PCDHGB4: variants seen among roughly 807,000 people sequenced by gnomAD.
PCDHGB4 encodes the protein protocadherin gamma-B4.
Under a neutral mutation model 60.5 loss-of-function variants are expected in PCDHGB4, and 38 were observed. The observed-to-expected ratio is 0.63, with a 90% CI of 0.48 to 0.82. The LOEUF (loss-of-function observed/expected upper bound fraction) is 0.82. PCDHGB4 is among the 40% of genes least tolerant of loss of function. The pLI is 0.00. For synonymous variants in PCDHGB4, 456 were observed against 509.7 expected (o/e 0.89, Z 1.42); for missense variants, 1,109 against 1,209.6 (o/e 0.92, Z 1.23).
chr5:141,405,540 C>A (rs2094682922), intron 1 of PCDHGB4: 1 of 641,202 alleles, frequency 1.6e-6, no homozygotes, highest in African/African-American at 1.8e-5. Context: ...CTGCCTCAGC[C>A]TCCCAAGTAG....
intron 1 of PCDHGB4, chr5:141,484,855 G>T (rs1178318896): frequency 3.9e-6 from 1 of 257,336 alleles, no homozygotes; most frequent in East Asian, 8.3e-5. Context: ...GTTTTTTGGG[G>T]GGTGGGGGAG....
chr5:141,492,492 G>A (rs896538392), intron 1 of PCDHGB4, among the ~76,000 whole-genome samples: 2 of 152,206 alleles, frequency 1.3e-5, no homozygotes, highest in African/African-American at 2.4e-5. Context: ...AGGACCAGGC[G>A]AGGACTCCGG....
chr5:141,475,935 C>CCCGT, intron 1 of PCDHGB4: 1 of 669,050 alleles, frequency 1.5e-6, no homozygotes, highest in Middle Eastern at 4.2e-4. Flanking sequence ...CGGGCCCCTG[C>CCCGT]CCGTCCCCTT....
intron 1 of PCDHGB4, chr5:141,393,203 C>T (rs988866288): frequency 6.2e-7 from 1 of 1,613,514 alleles, no homozygotes; most frequent in Admixed American, 1.7e-5. Context: ...ACGATAATAA[C>T]CCAAAATTCC....
At chr5:141,399,662 C>G (rs759226157) in intron 1 of PCDHGB4, 1 of 1,613,666 alleles carries the variant, frequency 6.2e-7, no homozygotes, top group South Asian at 1.1e-5. Context: ...GTGGTGTTCG[C>G]GCAGCGCGCC....
intron 1 of PCDHGB4, chr5:141,415,755 T>TTTG: frequency 1.4e-6 from 2 of 1,387,632 alleles, no homozygotes; most frequent in Middle Eastern, 2.6e-4. Context: ...TTTTTTTTTT[T>TTTG]TTTTTTTTTT....
At chr5:141,443,728 C>T (rs1434984241) in intron 1 of PCDHGB4, among the ~76,000 whole-genome samples, 1 of 152,060 alleles carries the variant, frequency 6.6e-6, no homozygotes, top group Admixed American at 6.5e-5. Flanking sequence ...ATTCCTCATA[C>T]ATTTCCCTAT....
At chr5:141,509,106 A>T (rs1159119530) in intron 3 of PCDHGB4, among the ~76,000 whole-genome samples, 1 of 152,102 alleles carries the variant, frequency 6.6e-6, no homozygotes, top group Non-Finnish European at 1.5e-5. Flanking sequence ...TAGAAACCTG[A>T]GCGCTGGTGC....
chr5:141,441,364 CGT>C (rs1283671958), intron 1 of PCDHGB4: 1 of 152,528 alleles, frequency 6.6e-6, no homozygotes, highest in African/African-American at 2.4e-5. Context: ...CAAATGGGGC[CGT>C]GGACCAGGAA....
At position 141,432,782 on chromosome 5, in the gene PCDHGB4, C is replaced by G. The variant is rs547164205; in HGVS notation, c.2397+42501C>G. On this transcript the variant is annotated intron_variant, in intron 1 of 3. Transcript: ENST00000519479. The surrounding 1 kb of genome is among the most constrained non-coding windows in gnomAD (Gnocchi z 6.0). ...CAGCATCCCCCAAGTCCTGGCGGACCTCGGCAGCCTCGAGTCTCCAGCTAA... is the reference window on the plus strand; with the variant it reads ...CAGCATCCCCCAAGTCCTGGCGGACGTCGGCAGCCTCGAGTCTCCAGCTAA... 4.3e-6 allele frequency: 7 copies of G among 1,614,046 alleles called. No individual in the cohort carries two copies. The highest frequency in any genetic ancestry group is 3.3e-4 in the Middle Eastern group (2 of 6,084).
intron 1 of PCDHGB4, chr5:141,427,959 C>A: frequency 1.3e-6 from 2 of 1,588,886 alleles, no homozygotes; most frequent in Non-Finnish European, 1.7e-6. Flanking sequence ...CAATGTGCCG[C>A]GGGTGCTGTA....
At position 141,431,359 on chromosome 5, in the gene PCDHGB4, G is replaced by C; in HGVS notation, c.2397+41078G>C. ...CCGAATTGGTGCTGAAACGCGCCCT[G>C]GACCGCGAAGAAAAGGCTGCTCACC... On this transcript the variant is annotated intron_variant, in intron 1 of 3. Coordinates refer to ENST00000519479, the MANE Select transcript of PCDHGB4 (RefSeq NM_003736.4). This position sits in a 1 kb window ranked among gnomAD's most constrained non-coding sequence, Gnocchi z 4.8. The C allele has an allele frequency of 6.2e-7, 1 of 1,614,024 alleles. No homozygotes were observed. Among genetic ancestry groups the C allele is most frequent in the Non-Finnish European group, 8.5e-7 (1 of 1,180,030 alleles).
At chr5:141,414,699 C>T (rs2095778847) in intron 1 of PCDHGB4, 2 of 1,613,952 alleles carry the variant, frequency 1.2e-6, no homozygotes, top group Non-Finnish European at 1.7e-6. Context: ...TGTCCTCATA[C>T]ATATCCATCA....
At position 141,403,190 on chromosome 5, in the gene PCDHGB4, C is replaced by G. The variant is rs768673759; in HGVS notation, c.2397+12909C>G. The G allele has an allele frequency of 1.1e-5, 17 of 1,613,864 alleles. No homozygotes were observed. The African/African-American group carries it at 2.0e-4, about 19-fold the overall frequency. On this transcript the variant is annotated intron_variant, in intron 1 of 3. Coordinates refer to ENST00000519479, the MANE Select transcript of PCDHGB4 (RefSeq NM_003736.4). ...GACGCAGCTTTTCTCTCTGAACCCG[C>G]GCAGCGGCACCTTGGTCACCGCGGG...
chr5:141,422,785 T>C, intron 1 of PCDHGB4: 1 of 1,614,146 alleles, frequency 6.2e-7, no homozygotes, highest in Non-Finnish European at 8.5e-7. Flanking sequence ...TGCCCTACAA[T>C]CCTTCGACTA....
intron 1 of PCDHGB4, chr5:141,413,167 C>G: frequency 6.3e-7 from 1 of 1,590,828 alleles, no homozygotes; most frequent in Non-Finnish European, 8.6e-7. Context: ...ATTCTGTAAC[C>G]AGACTACAAT....
At chr5:141,478,454 A>G (rs766350066) in intron 1 of PCDHGB4, 4 of 1,613,596 alleles carry the variant, frequency 2.5e-6, no homozygotes, top group Non-Finnish European at 3.4e-6. Context: ...TGGTGCAGCC[A>G]GTCCACTGGC....
intron 1 of PCDHGB4, among the ~76,000 whole-genome samples, chr5:141,473,922 A>T (rs1025156251): frequency 2.0e-5 from 3 of 152,182 alleles, no homozygotes; most frequent in South Asian, 2.1e-4. Flanking sequence ...GAAAACTATG[A>T]GCTGGGTGCA....
At chr5:141,398,896 C>T (rs776008122) in intron 1 of PCDHGB4, 5 of 1,613,946 alleles carry the variant, frequency 3.1e-6, no homozygotes, top group Non-Finnish European at 3.4e-6. Context: ...AAACGTGCCA[C>T]CAGGCACCAC....
Sources: gnomAD v4.1 joint callset for allele counts (sites outside exome capture counted in the v4.1 genomes callset) on GRCh38, gnomAD v4.1.1 for gene constraint, Gnocchi (gnomAD v3.1) non-coding constraint, MANE v1.5 for transcripts, NCBI Gene and HGNC (gene_info 2026-07-23, HGNC 2026-07-21) for gene names.